The following BMPR1A variants were observed in gnomAD, a reference collection of about 807,000 sequenced individuals.
The protein encoded by BMPR1A is bone morphogenetic protein receptor type-1A.
Under a neutral mutation model 66.0 loss-of-function variants are expected in BMPR1A, and 7 were observed. The observed-to-expected ratio is 0.11, with a 90% CI of 0.06 to 0.20. The LOEUF is 0.20. Ranked by LOEUF, BMPR1A falls within the 10% of genes least tolerant of loss-of-function variation. The pLI is 1.00. For synonymous variants in BMPR1A, 200 were observed against 229.7 expected (o/e 0.87, Z 1.17); for missense variants, 408 against 669.1 (o/e 0.61, Z 4.31).
intron 3 of BMPR1A, among the ~76,000 whole-genome samples, chr10:86,886,797 G>GT (rs1374663886): frequency 7.3e-6 from 1 of 137,836 alleles, no homozygotes; most frequent in Non-Finnish European, 1.6e-5. Context: ...CTTTTCCTTT[G>GT]TTTACATGTA....
intron 8 of BMPR1A, among the ~76,000 whole-genome samples, chr10:86,914,024 T>C (rs1267409025): frequency 7.2e-5 from 11 of 152,074 alleles, no homozygotes; most frequent in Non-Finnish European, 2.9e-5. Context: ...AATAATGATC[T>C]CAATTTGGTA....
chr10:86,883,792 A>G (rs1234838714), intron 3 of BMPR1A, among the ~76,000 whole-genome samples: 2 of 152,078 alleles, frequency 1.3e-5, no homozygotes, highest in Non-Finnish European at 2.9e-5. Flanking sequence ...ACAAAAAGCA[A>G]AATTCCTCAA....
intron 1 of BMPR1A, among the ~76,000 whole-genome samples, chr10:86,773,721 G>A (rs1273093323): frequency 2.6e-5 from 4 of 151,860 alleles, no homozygotes; most frequent in African/African-American, 9.7e-5. Flanking sequence ...GCAGCTGTGC[G>A]TTCTTTATTT....
chr10:86,782,319 C>T (rs200441989), intron 1 of BMPR1A, among the ~76,000 whole-genome samples: 9 of 152,122 alleles, frequency 5.9e-5, no homozygotes, highest in African/African-American at 2.2e-4. Context: ...TCTTCGAGAT[C>T]CTGTTTTCAA....
At chr10:86,758,914 C>T (rs1257785749) in intron 1 of BMPR1A, among the ~76,000 whole-genome samples, 1 of 152,252 alleles carries the variant, frequency 6.6e-6, no homozygotes, top group Non-Finnish European at 1.5e-5. Flanking sequence ...TTCATCTATA[C>T]TCGCTGTATT....
At chr10:86,870,484 A>G (rs1305162762) in intron 2 of BMPR1A, among the ~76,000 whole-genome samples, 3 of 152,098 alleles carry the variant, frequency 2.0e-5, no homozygotes, top group Non-Finnish European at 4.4e-5. Context: ...GTGCAGTGGC[A>G]TAATCAAAGT....
At chr10:86,806,160 C>T (rs764173130) in intron 1 of BMPR1A, among the ~76,000 whole-genome samples, 5 of 152,146 alleles carry the variant, frequency 3.3e-5, no homozygotes, top group Admixed American at 2.0e-4. Flanking sequence ...TAAATGACGA[C>T]GTGTCCTTCT....
intron 1 of BMPR1A, among the ~76,000 whole-genome samples, chr10:86,811,846 G>A (rs117430155): frequency 0.014 from 2,064 of 152,224 alleles, 23 homozygotes; most frequent in Non-Finnish European, 0.022. Flanking sequence ...AATAAAAGCA[G>A]GGACAGGAGG....
chr10:86,802,817 A>AG (rs915987616), intron 1 of BMPR1A, among the ~76,000 whole-genome samples: 1 of 151,914 alleles, frequency 6.6e-6, no homozygotes, highest in Non-Finnish European at 1.5e-5. Context: ...AAAAAAAAAA[A>AG]AGGAGTTAAT....
chr10:86,820,372 CTTTTTT>C (rs373624964), intron 1 of BMPR1A, among the ~76,000 whole-genome samples: 7 of 142,590 alleles, frequency 4.9e-5, no homozygotes, highest in African/African-American at 1.8e-4. Context: ...AAGATGACAT[CTTTTTT>C]TTTTTTTTTC....
chr10:86,884,887 T>C (rs1256979651), intron 3 of BMPR1A, among the ~76,000 whole-genome samples: 1 of 152,244 alleles, frequency 6.6e-6, no homozygotes, highest in African/African-American at 2.4e-5. Context: ...GTTTGATTAA[T>C]GTTAACTGAT....
rs1468151991 is a variant in BMPR1A at position 86,770,480 on chromosome 10, G to T, written c.-268+13561G>T. Among the ~76,000 whole-genome samples the T allele has an allele frequency of 3.9e-5, 6 of 152,306 alleles. 1 individual carries two copies. In the South Asian group the frequency reaches 1.2e-3, roughly 32 times the overall value. On this transcript the variant is annotated intron_variant, in intron 1 of 12. Coordinates refer to ENST00000372037, the MANE Select transcript of BMPR1A (RefSeq NM_004329.3). ...TCTTCAGGTGGGCTGAGAGCCTCTA[G>T]TCTCCTTTGTCATGAAAGAACCCCA...
intron 1 of BMPR1A, among the ~76,000 whole-genome samples, chr10:86,805,014 G>C (rs1277525121): frequency 6.6e-6 from 1 of 151,902 alleles, no homozygotes; most frequent in Non-Finnish European, 1.5e-5. Context: ...CGTTCCTTGG[G>C]TTTCAGATGG....
chr10:86,890,345 A>G (rs1843130925), intron 4 of BMPR1A, 121 bp downstream of exon 4: 3 of 1,163,858 alleles, frequency 2.6e-6, no homozygotes, highest in Admixed American at 2.1e-5. Context: ...ATCTTTCCAG[A>G]AAGCCAAAAA....
chr10:86,871,732 G>C (rs1241324984), intron 2 of BMPR1A, among the ~76,000 whole-genome samples: 1 of 151,678 alleles, frequency 6.6e-6, no homozygotes, highest in Non-Finnish European at 1.5e-5. Context: ...ATTGCCTGGA[G>C]CCCAGGAGGC....
At chr10:86,812,972 G>A (rs545348227) in intron 1 of BMPR1A, among the ~76,000 whole-genome samples, 2 of 152,044 alleles carry the variant, frequency 1.3e-5, no homozygotes, top group South Asian at 4.2e-4. Flanking sequence ...CCTATTTATC[G>A]CTCCCTCCTC....
rs146868125 is a variant in BMPR1A, at chr10:86,874,175, T to C, written c.-152-1692T>C. On this transcript the variant is annotated intron_variant, in intron 2 of 12. Coordinates refer to ENST00000372037, the MANE Select transcript of BMPR1A (RefSeq NM_004329.3). ...GGGATGGGGGTAAAGTAGAATGATA[T>C]ATATCTTGATACTAATTAGCCTTTT... Among the ~76,000 whole-genome samples the C allele has an allele frequency of 2.0e-3, 310 of 152,280 alleles. 3 individuals carry two copies. The highest frequency in any genetic ancestry group is 7.2e-3 in the African/African-American group (298 of 41,564).
At chr10:86,901,650 T>C (rs1039641402) in intron 7 of BMPR1A, among the ~76,000 whole-genome samples, 2 of 152,232 alleles carry the variant, frequency 1.3e-5, no homozygotes, top group African/African-American at 4.8e-5. Flanking sequence ...AGTTTAAAAC[T>C]CTTTATTGCT....
chr10:86,848,507 T>C (rs1439064307), intron 2 of BMPR1A, among the ~76,000 whole-genome samples: 1 of 152,144 alleles, frequency 6.6e-6, no homozygotes, highest in African/African-American at 2.4e-5. Flanking sequence ...TTCTAGATAA[T>C]TTCATGGGTC....
Sources: allele counts gnomAD v4.1 joint callset (sites outside exome capture counted in the v4.1 genomes callset), GRCh38; gene constraint gnomAD v4.1.1; transcripts MANE v1.5; gene names NCBI Gene and HGNC (gene_info 2026-07-23, HGNC 2026-07-21).